The following SLC12A1 variants were observed in gnomAD, a reference collection of about 807,000 sequenced individuals.
The protein encoded by SLC12A1 is Na-K-2Cl cotransporter.
In SLC12A1, 89 loss-of-function variants were observed where a neutral mutation model predicts 130.4. The ratio of observed to expected loss-of-function variants is 0.68; its 90% CI spans 0.58 to 0.81. The LOEUF (loss-of-function observed/expected upper bound fraction) is 0.81. Among genes scored for constraint, SLC12A1 ranks in the 40% least tolerant of loss-of-function variants. SLC12A1 has a pLI of 0.00. For missense variants in SLC12A1, 1,310 were observed against 1,336.4 expected, an observed-to-expected ratio of 0.98 and a Z score of 0.31; for synonymous variants, 499 against 460.0, an observed-to-expected ratio of 1.08 and a Z score of -1.09.
chr15:48,260,363 C>T (rs1311203683), intron 17 of SLC12A1, among the ~76,000 whole-genome samples: 1 of 151,246 alleles, frequency 6.6e-6, no homozygotes, highest in East Asian at 1.9e-4. Context: ...CACACACACA[C>T]ACACACACAC....
At chr15:48,271,350 C>T (rs1255251178) in intron 19 of SLC12A1, among the ~76,000 whole-genome samples, 1 of 152,158 alleles carries the variant, frequency 6.6e-6, no homozygotes, top group African/African-American at 2.4e-5. Context: ...TTTCCTGTGT[C>T]TGGGATCTGG....
Position 48,301,509 on chromosome 15 carries a change from G to T in SLC12A1, c.3164+127G>T, listed in dbSNP as rs554972659. On this transcript the variant is annotated intron_variant, in intron 26 of 26. Coordinates refer to ENST00000380993, the MANE Select transcript of SLC12A1 (RefSeq NM_000338.3). ...TTGTTTTTGTGTTTTTTTTGGGGGG[G>T]GGAACACGTGGGATTCTTAGACAGT... The T allele has an allele frequency of 3.6e-5, 18 of 506,970 alleles. 1 individual carries two copies. The highest frequency in any genetic ancestry group is 5.7e-5 in the Non-Finnish European group (17 of 299,224). 31.4% of individuals were successfully genotyped at this position (506,970 alleles called of 1,614,324 possible).
intron 8 of SLC12A1, among the ~76,000 whole-genome samples, chr15:48,233,227 T>TTAG (rs2041401651): frequency 6.6e-6 from 1 of 152,194 alleles, no homozygotes; most frequent in Admixed American, 6.5e-5. Context: ...GAACACCTAA[T>TTAG]GTGACTGGGT....
chr15:48,279,646 G>A (rs965708372), intron 20 of SLC12A1, among the ~76,000 whole-genome samples: 3 of 152,146 alleles, frequency 2.0e-5, no homozygotes, highest in African/African-American at 7.2e-5. Flanking sequence ...ATTTCATACT[G>A]CTCACTTCCC....
chr15:48,296,278 A>G (rs186569842), intron 24 of SLC12A1, among the ~76,000 whole-genome samples: 10 of 152,336 alleles, frequency 6.6e-5, no homozygotes, highest in African/African-American at 2.4e-4. Context: ...TTGACTACCC[A>G]TAAAACATCA....
At chr15:48,263,057 A>G (rs535445680) in intron 17 of SLC12A1, among the ~76,000 whole-genome samples, 9 of 152,294 alleles carry the variant, frequency 5.9e-5, no homozygotes, top group Admixed American at 2.6e-4. Context: ...TGGGCACACT[A>G]TGTTCAGTTC....
intron 20 of SLC12A1, among the ~76,000 whole-genome samples, chr15:48,276,694 C>A (rs537318178): frequency 1.3e-5 from 2 of 152,172 alleles, no homozygotes; most frequent in Non-Finnish European, 2.9e-5. Context: ...GCAGCCTGGG[C>A]GGACTAATAC....
chr15:48,287,997 C>T (rs752843597), intron 21 of SLC12A1, 46 bp from the exon 22 acceptor site: 1 of 1,579,830 alleles, frequency 6.3e-7, no homozygotes, highest in Admixed American at 1.8e-5. Context: ...TATTTTGTTT[C>T]TGCCCTCAAA....
At chr15:48,215,486 G>A (rs1243220832) in intron 2 of SLC12A1, among the ~76,000 whole-genome samples, 3 of 152,152 alleles carry the variant, frequency 2.0e-5, no homozygotes, top group Non-Finnish European at 4.4e-5. Flanking sequence ...TAATGGGAGT[G>A]TGAACAAACA....
At position 48,235,082 on chromosome 15, in the gene SLC12A1, G is replaced by C. The variant is rs569311944; in HGVS notation, c.1215+78G>C. Reference sequence around the variant, plus strand: ...GTAGCACAAGGAGCTAGAGAGGTTAGATGTGACCATATTACCCTACAGATT... The same window carrying C: ...GTAGCACAAGGAGCTAGAGAGGTTACATGTGACCATATTACCCTACAGATT... On this transcript the variant is annotated intron_variant, in intron 9 of 26. Coordinates refer to ENST00000380993, the MANE Select transcript of SLC12A1 (RefSeq NM_000338.3). 2.6e-4 allele frequency: 364 copies of C among 1,407,028 alleles called. 3 individuals carry two copies. The highest frequency in any genetic ancestry group is 1.3e-3 in the Middle Eastern group (6 of 4,744). The allele number at this position is 1,407,028 out of a possible 1,614,324, so 87.2% of individuals were successfully genotyped here. A position where few individuals can be genotyped will look rare whatever the true frequency, so the allele number is the denominator to read the frequency against.
chr15:48,246,384 C>T (rs2041580229), intron 11 of SLC12A1, among the ~76,000 whole-genome samples: 1 of 152,128 alleles, frequency 6.6e-6, no homozygotes, highest in East Asian at 1.9e-4. Flanking sequence ...AAACCATTTC[C>T]TTCTTTATTC....
rs547311897 is a variant in SLC12A1 at position 48,256,140 on chromosome 15, G to A, written c.2042+230G>A. On this transcript the variant is annotated intron_variant, in intron 16 of 26. Coordinates refer to ENST00000380993, the MANE Select transcript of SLC12A1 (RefSeq NM_000338.3). ...ACTACAGCCCCTCATAGTGCCAGGT[G>A]TCACCTTCCATGCGTGGAGATAGCA... 2.6e-5 allele frequency among the ~76,000 whole-genome samples: 4 copies of A among 152,312 alleles called. No individual in the cohort carries two copies. The East Asian group carries it at 7.7e-4, about 29-fold the overall frequency.
At chr15:48,236,562 G>A (rs1597415632) in intron 9 of SLC12A1, among the ~76,000 whole-genome samples, 1 of 152,146 alleles carries the variant, frequency 6.6e-6, no homozygotes, top group East Asian at 1.9e-4. Context: ...AAAGTAGAGA[G>A]TTTGCCTTTG....
Position 48,255,974 on chromosome 15 carries a change from A to G in SLC12A1, c.2042+64A>G. 8.4e-6 allele frequency: 8 copies of G among 950,994 alleles called. No individual in the cohort carries two copies. The South Asian group carries it at 9.7e-5, about 12-fold the overall frequency. The allele number at this position is 950,994 out of a possible 1,614,324, so 58.9% of individuals were successfully genotyped here. ...CCTAGAAGTGGCTCTCCTTTATAAG[A>G]GACAAGGGCATTCAAGTAGTTATAA... On this transcript the variant is annotated intron_variant, in intron 16 of 26. Coordinates refer to ENST00000380993, the MANE Select transcript of SLC12A1 (RefSeq NM_000338.3).
intron 9 of SLC12A1, among the ~76,000 whole-genome samples, chr15:48,240,094 T>TAC (rs2041497135): frequency 1.3e-5 from 1 of 78,742 alleles, no homozygotes; most frequent in African/African-American, 7.6e-5. Context: ...TATATATCCA[T>TAC]ATATATATAT....
At chr15:48,269,341 A>G (rs1318246987) in intron 18 of SLC12A1, among the ~76,000 whole-genome samples, 2 of 152,230 alleles carry the variant, frequency 1.3e-5, no homozygotes, top group Admixed American at 6.6e-5. Context: ...CATGCATACC[A>G]ACAGTTAAGC....
At chr15:48,219,089 A>G (rs1474974827) in intron 2 of SLC12A1, among the ~76,000 whole-genome samples, 1 of 152,220 alleles carries the variant, frequency 6.6e-6, no homozygotes, top group Non-Finnish European at 1.5e-5. Flanking sequence ...GTAATCAGTT[A>G]TGAAACTTCT....
At chr15:48,295,276 A>G (rs1242085561) in intron 24 of SLC12A1, among the ~76,000 whole-genome samples, 2 of 152,020 alleles carry the variant, frequency 1.3e-5, no homozygotes, top group Non-Finnish European at 2.9e-5. Context: ...AGCATTATCA[A>G]TGTTTGCTGA....
At chr15:48,260,594 A>G (rs549344982) in intron 17 of SLC12A1, among the ~76,000 whole-genome samples, 1 of 152,308 alleles carries the variant, frequency 6.6e-6, no homozygotes, top group African/African-American at 2.4e-5. Context: ...ACTGGATCAC[A>G]TGACAAGAAA....
Sources: gnomAD v4.1 joint callset for allele counts (sites outside exome capture counted in the v4.1 genomes callset) on GRCh38, gnomAD v4.1.1 for gene constraint, MANE v1.5 for transcripts, NCBI Gene and HGNC (gene_info 2026-07-23, HGNC 2026-07-21) for gene names.